The following CHN2 variants were observed in gnomAD, a reference collection of about 807,000 sequenced individuals.
CHN2 encodes chimerin 2.
Under a neutral mutation model 56.3 loss-of-function variants are expected in CHN2, and 35 were observed. That is an observed-to-expected ratio of 0.62 (90% CI 0.47 to 0.82). The LOEUF is 0.82. Among genes scored for constraint, CHN2 ranks in the 40% least tolerant of loss-of-function variants. The pLI is 0.00. For missense variants in CHN2, 491 were observed against 580.5 expected, an observed-to-expected ratio of 0.85 and a Z score of 1.58; for synonymous variants, 210 against 212.8, an observed-to-expected ratio of 0.99 and a Z score of 0.12.
chr7:29,437,741 A>G (rs1020677066), intron 6 of CHN2, among the ~76,000 whole-genome samples: 34 of 152,190 alleles, frequency 2.2e-4, no homozygotes, highest in Admixed American at 2.0e-4. Flanking sequence ...AAATACCTAT[A>G]TAGATTATTT....
intron 6 of CHN2, among the ~76,000 whole-genome samples, chr7:29,419,371 A>T (rs1390051918): frequency 6.6e-6 from 1 of 152,206 alleles, no homozygotes; most frequent in East Asian, 1.9e-4. Context: ...ACCTAAAATT[A>T]TAGAACTCCT....
intron 1 of CHN2, chr7:29,212,832 A>T: frequency 6.2e-7 from 1 of 1,607,750 alleles, no homozygotes; most frequent in Non-Finnish European, 8.5e-7. Context: ...CCCAGCCACT[A>T]CTCTTCCTAC....
chr7:29,215,574 A>G (rs1275797148), intron 1 of CHN2, among the ~76,000 whole-genome samples: 1 of 152,054 alleles, frequency 6.6e-6, no homozygotes. Context: ...TTACAATTTT[A>G]TGTTCTGTGC....
intron 1 of CHN2, among the ~76,000 whole-genome samples, chr7:29,292,110 T>G (rs911443758): frequency 6.6e-6 from 1 of 152,178 alleles, no homozygotes; most frequent in Non-Finnish European, 1.5e-5. Flanking sequence ...TATCCACACT[T>G]TATCTGTAGG....
At chr7:29,258,928 G>A (rs1289713074) in intron 1 of CHN2, among the ~76,000 whole-genome samples, 1 of 151,418 alleles carries the variant, frequency 6.6e-6, no homozygotes. Context: ...TGCCATTATT[G>A]TAATCCCAAA....
chr7:29,354,525 G>A, intron 1 of CHN2, 100 bp from the exon 2 acceptor site: 2 of 1,032,658 alleles, frequency 1.9e-6, no homozygotes, highest in Non-Finnish European at 1.5e-6. Flanking sequence ...AGACCCGCAT[G>A]CAAGTACTGT....
chr7:29,419,490 A>G lies in CHN2; in HGVS notation c.576+18662A>G, dbSNP rs570470439. Reference sequence around the variant, plus strand: ...AGCACATATAGACAAAAAGGATAATATCAAACTTAAAATTTTCTATGTGTC... The same window carrying G: ...AGCACATATAGACAAAAAGGATAATGTCAAACTTAAAATTTTCTATGTGTC... On this transcript the variant is annotated intron_variant, in intron 6 of 12. Coordinates refer to ENST00000222792, the MANE Select transcript of CHN2 (RefSeq NM_004067.4). 3.3e-5 allele frequency among the ~76,000 whole-genome samples: 5 copies of G among 152,348 alleles called. No homozygotes were observed. In the East Asian group the frequency reaches 9.6e-4, roughly 29 times the overall value.
At position 29,407,155 on chromosome 7, in the gene CHN2, A is replaced by T. The variant is rs903280165; in HGVS notation, c.576+6327A>T. 5.9e-5 allele frequency among the ~76,000 whole-genome samples: 9 copies of T among 152,090 alleles called. 1 individual carries two copies. The highest frequency in any genetic ancestry group is 5.9e-4 in the Admixed American group (9 of 15,274). On this transcript the variant is annotated intron_variant, in intron 6 of 12. Transcript: ENST00000222792. ...GGAATCGTGGAGACCATCTCATGCAACCCTTCTGTTTTGCAGGACAGGAAA... is the reference window on the plus strand; with the variant it reads ...GGAATCGTGGAGACCATCTCATGCATCCCTTCTGTTTTGCAGGACAGGAAA...
At chr7:29,182,597 A>G (rs1000776563) in intron 2 of CHN2, among the ~76,000 whole-genome samples, 37 of 152,344 alleles carry the variant, frequency 2.4e-4, no homozygotes, top group African/African-American at 8.7e-4. Flanking sequence ...ACTTTAAAAT[A>G]TCAATTCAAC....
intron 11 of CHN2, 141 bp downstream of exon 11, chr7:29,507,506 C>A (rs887759930): frequency 1.7e-5 from 11 of 665,228 alleles, no homozygotes; most frequent in Non-Finnish European, 2.7e-5. Context: ...CAATAAATAG[C>A]TGACCAGGCA....
At chr7:29,396,227 G>C (rs1314011562) in intron 4 of CHN2, among the ~76,000 whole-genome samples, 1 of 152,078 alleles carries the variant, frequency 6.6e-6, no homozygotes, top group Non-Finnish European at 1.5e-5. Flanking sequence ...TTGATCGCCT[G>C]AGTTCAGGAG....
At chr7:29,249,624 C>G (rs545354203) in intron 1 of CHN2, among the ~76,000 whole-genome samples, 6 of 152,224 alleles carry the variant, frequency 3.9e-5, no homozygotes, top group African/African-American at 1.2e-4. Flanking sequence ...CCTTTCTGCT[C>G]TAAGCCATTT....
intron 5 of CHN2, 49 bp downstream of exon 5, chr7:29,398,535 C>G (rs1428451250): frequency 6.1e-6 from 7 of 1,142,056 alleles, no homozygotes; most frequent in Non-Finnish European, 7.9e-6. Context: ...AGTGGCTTCA[C>G]TGATGTTTGC....
chr7:29,284,694 G>A (rs1206758772), intron 1 of CHN2, among the ~76,000 whole-genome samples: 1 of 152,158 alleles, frequency 6.6e-6, no homozygotes, highest in Non-Finnish European at 1.5e-5. Context: ...CTGACTCCAT[G>A]ATTTCAACCT....
chr7:29,326,803 A>G (rs556255924), intron 1 of CHN2, among the ~76,000 whole-genome samples: 2 of 152,296 alleles, frequency 1.3e-5, no homozygotes, highest in African/African-American at 2.4e-5. Context: ...TTCATAGAGT[A>G]TAGTAGGTGT....
intron 1 of CHN2, among the ~76,000 whole-genome samples, chr7:29,310,392 G>A (rs1377842232): frequency 2.0e-5 from 3 of 152,140 alleles, no homozygotes; most frequent in Non-Finnish European, 2.9e-5. Flanking sequence ...ATATGATCCT[G>A]TATTTGCAAT....
At chr7:29,483,720 C>A in intron 7 of CHN2, 1 of 609,570 alleles carries the variant, frequency 1.6e-6, no homozygotes, top group Non-Finnish European at 2.2e-6. Context: ...ATGGTCCACC[C>A]TAATAATACC....
chr7:29,218,551 C>T (rs200493016), intron 1 of CHN2, among the ~76,000 whole-genome samples: 2,763 of 152,046 alleles, frequency 0.018, 79 homozygotes, highest in African/African-American at 0.062. Flanking sequence ...TTGGAACCAA[C>T]GTAAATGTCC....
At chr7:29,423,615 G>A (rs886399759) in intron 6 of CHN2, among the ~76,000 whole-genome samples, 3 of 152,228 alleles carry the variant, frequency 2.0e-5, no homozygotes, top group African/African-American at 7.2e-5. Flanking sequence ...GCTAAAACTG[G>A]AAGTGGAAAG....
Sources: gnomAD v4.1 joint callset for allele counts (sites outside exome capture counted in the v4.1 genomes callset) on GRCh38, gnomAD v4.1.1 for gene constraint, MANE v1.5 for transcripts, NCBI Gene and HGNC (gene_info 2026-07-23, HGNC 2026-07-21) for gene names.